NKAIN2: variants seen among roughly 807,000 people sequenced by gnomAD.
The protein encoded by NKAIN2 is sodium/potassium transporting ATPase interacting 2, also known as sodium/potassium-transporting ATPase subunit beta-1-interacting protein 2.
Under a neutral mutation model 32.6 loss-of-function variants are expected in NKAIN2, and 14 were observed. The ratio of observed to expected loss-of-function variants is 0.43; its 90% CI spans 0.28 to 0.67. NKAIN2 has a LOEUF of 0.67. Among genes scored for constraint, NKAIN2 ranks in the 30% least tolerant of loss-of-function variants. The pLI is 0.17. For missense variants in NKAIN2, 198 were observed against 258.3 expected (o/e 0.77, Z 1.60); for synonymous variants, 80 against 87.2 (o/e 0.92, Z 0.46).
chr6:124,333,885 T>C (rs1045412211), intron 2 of NKAIN2, among the ~76,000 whole-genome samples: 2 of 152,154 alleles, frequency 1.3e-5, no homozygotes, highest in Admixed American at 1.3e-4. Context: ...ACTATGACCA[T>C]ATTCAGATTA....
At chr6:124,567,387 C>G (rs1330895693) in intron 3 of NKAIN2, among the ~76,000 whole-genome samples, 1 of 152,130 alleles carries the variant, frequency 6.6e-6, no homozygotes, top group Non-Finnish European at 1.5e-5. Flanking sequence ...TTCAAACAAA[C>G]GATTTCCATT....
intron 1 of NKAIN2, among the ~76,000 whole-genome samples, chr6:123,815,948 C>A (rs551265604): frequency 1.7e-4 from 26 of 151,984 alleles, no homozygotes; most frequent in African/African-American, 6.0e-4. Context: ...TAATATAGGG[C>A]AGCATGATAA....
At chr6:124,291,266 G>T (rs1795800410) in intron 2 of NKAIN2, among the ~76,000 whole-genome samples, 2 of 143,378 alleles carry the variant, frequency 1.4e-5, no homozygotes, top group South Asian at 4.3e-4. Flanking sequence ...AACTTTCAAA[G>T]AACTGCTTGA....
intron 3 of NKAIN2, among the ~76,000 whole-genome samples, chr6:124,421,209 G>A (rs534348371): frequency 2.0e-5 from 3 of 151,630 alleles, no homozygotes; most frequent in South Asian, 2.1e-4. Flanking sequence ...ACTGCTATTC[G>A]TGTGCTTTAC....
chr6:124,059,832 C>T (rs1370817137), intron 1 of NKAIN2, among the ~76,000 whole-genome samples: 1 of 152,114 alleles, frequency 6.6e-6, no homozygotes, highest in Non-Finnish European at 1.5e-5. Context: ...CCCATTTTCA[C>T]ATTTTGCTCC....
At chr6:124,210,281 G>C (rs1352419765) in intron 1 of NKAIN2, among the ~76,000 whole-genome samples, 2 of 151,660 alleles carry the variant, frequency 1.3e-5, no homozygotes, top group Non-Finnish European at 2.9e-5. Flanking sequence ...TGTCTATTCT[G>C]TTCCATTGGT....
At chr6:124,171,038 T>C (rs1365694544) in intron 1 of NKAIN2, among the ~76,000 whole-genome samples, 1 of 152,200 alleles carries the variant, frequency 6.6e-6, no homozygotes, top group Non-Finnish European at 1.5e-5. Context: ...GTGAAGGTTT[T>C]TTTTTAGAAA....
intron 1 of NKAIN2, among the ~76,000 whole-genome samples, chr6:124,239,898 G>A (rs991607875): frequency 6.6e-6 from 1 of 152,040 alleles, no homozygotes; most frequent in African/African-American, 2.4e-5. Context: ...TAAGATCAGA[G>A]CAGAACTGAA....
At chr6:124,304,858 G>T (rs1796445350) in intron 2 of NKAIN2, among the ~76,000 whole-genome samples, 1 of 152,068 alleles carries the variant, frequency 6.6e-6, no homozygotes, top group Non-Finnish European at 1.5e-5. Flanking sequence ...AGACTGTAGT[G>T]AGCCAAGATC....
At chr6:124,267,481 T>TAAAAA in intron 1 of NKAIN2, among the ~76,000 whole-genome samples, 1 of 97,750 alleles carries the variant, frequency 1.0e-5, no homozygotes, top group South Asian at 3.4e-4. Flanking sequence ...ACCATGTCTC[T>TAAAAA]AAAAAAAAAA....
intron 4 of NKAIN2, among the ~76,000 whole-genome samples, chr6:124,773,161 A>G (rs557550259): frequency 7.9e-5 from 12 of 152,302 alleles, no homozygotes; most frequent in Non-Finnish European, 1.3e-4. Flanking sequence ...CCTGAATGTC[A>G]TTAGACATCC....
intron 1 of NKAIN2, among the ~76,000 whole-genome samples, chr6:123,818,415 C>T (rs911480846): frequency 6.7e-6 from 1 of 150,028 alleles, no homozygotes; most frequent in Non-Finnish European, 1.5e-5. Flanking sequence ...GAATCATAAC[C>T]AGGAACTTCT....
intron 1 of NKAIN2, among the ~76,000 whole-genome samples, chr6:124,110,557 C>T (rs1002485618): frequency 3.3e-5 from 5 of 152,048 alleles, no homozygotes; most frequent in Admixed American, 6.6e-5. Context: ...TTCTTCCCTC[C>T]TTTAGTAGTC....
rs530175050 is a variant in NKAIN2 at position 123,929,891 on chromosome 6, G to A, written c.54+125637G>A. ...AATGAGCATTTCCTTTGAACATCAT[G>A]TGGGCACTCAAAAAATTCAGATTTT... On this transcript the variant is annotated intron_variant, in intron 1 of 6. Transcript: ENST00000368417. 9.2e-5 allele frequency among the ~76,000 whole-genome samples: 14 copies of A among 152,164 alleles called. No individual in the cohort carries two copies. In the South Asian group the frequency reaches 2.5e-3, roughly 27 times the overall value.
intron 1 of NKAIN2, among the ~76,000 whole-genome samples, chr6:124,140,704 T>A (rs193117187): frequency 1.3e-5 from 2 of 152,310 alleles, no homozygotes; most frequent in Admixed American, 1.3e-4. Context: ...TTAAAAAAAG[T>A]GTTTGTGTCT....
intron 1 of NKAIN2, among the ~76,000 whole-genome samples, chr6:124,136,828 G>A (rs760061079): frequency 6.6e-6 from 1 of 151,944 alleles, no homozygotes; most frequent in Non-Finnish European, 1.5e-5. Flanking sequence ...AAAACCCTCA[G>A]CAAAATTGGC....
At chr6:124,012,177 T>A (rs1178370098) in intron 1 of NKAIN2, among the ~76,000 whole-genome samples, 1 of 151,850 alleles carries the variant, frequency 6.6e-6, no homozygotes, top group Non-Finnish European at 1.5e-5. Flanking sequence ...CCCCCAAATT[T>A]ATTTATGCCC....
intron 3 of NKAIN2, among the ~76,000 whole-genome samples, chr6:124,366,039 C>A (rs1799502632): frequency 6.6e-6 from 1 of 151,748 alleles, no homozygotes; most frequent in African/African-American, 2.4e-5. Context: ...TAGAAATCCT[C>A]AAAACTCAAT....
At chr6:123,924,187 T>C (rs1326504567) in intron 1 of NKAIN2, among the ~76,000 whole-genome samples, 1 of 152,228 alleles carries the variant, frequency 6.6e-6, no homozygotes, top group East Asian at 1.9e-4. Context: ...GGGTAGGTGA[T>C]ATCACTTCTG....
Sources: gnomAD v4.1 joint callset for allele counts (sites outside exome capture counted in the v4.1 genomes callset) on GRCh38, gnomAD v4.1.1 for gene constraint, MANE v1.5 for transcripts, NCBI Gene and HGNC (gene_info 2026-07-23, HGNC 2026-07-21) for gene names.